RASD2: variants seen among roughly 807,000 people sequenced by gnomAD.
RASD2 encodes the protein RASD family member 2, also known as GTP-binding protein Rhes.
Under a neutral mutation model 15.8 loss-of-function variants are expected in RASD2, and 7 were observed. The ratio of observed to expected loss-of-function variants is 0.44; its 90% confidence interval spans 0.25 to 0.83. RASD2 has a LOEUF of 0.83. Among genes scored for constraint, RASD2 ranks in the 40% least tolerant of loss-of-function variants. The pLI, the probability that RASD2 is intolerant of heterozygous loss-of-function variation, is 0.20. For missense variants in RASD2, 274 were observed against 382.8 expected (o/e 0.72, Z 2.37); for synonymous variants, 155 against 153.6 (o/e 1.01, Z -0.07).
chr22:35,551,881 T>A lies in RASD2; in HGVS notation c.650T>A (p.Phe217Tyr). ...QYGDAFHPRP[F>Y]CMRRVKEMDA... ...GGTGACGCCTTCCACCCCAGGCCCT[T>A]CTGCATGCGCCGCGTCAAGGAGATG... The change falls in exon 3 of 3, where the codon TTC becomes TAC. Residue 217 changes from phenylalanine to tyrosine, a missense_variant. Physicochemically the swap from Phe to Tyr is conservative, Grantham distance 22 (BLOSUM62 3). Coordinates refer to ENST00000216127, the MANE Select transcript of RASD2 (RefSeq NM_014310.4). This position sits in a 1 kb window ranked among gnomAD's most constrained non-coding sequence, Gnocchi z 4.9. 1.2e-6 allele frequency: 2 copies of A among 1,613,528 alleles called. No homozygotes were observed. Among genetic ancestry groups the A allele is most frequent in the Non-Finnish European group, 1.7e-6 (2 of 1,179,990 alleles).
At position 35,552,044 on chromosome 22, in the gene RASD2, T is replaced by C; in HGVS notation, c.*12T>C. ...GCACCATCCAGTGAGCGAGGGATGC[T>C]GGGGCGGGGCTTGGCCAGTGCCTTC... On this transcript the variant is annotated 3_prime_UTR_variant, in exon 3 of 3. Transcript: ENST00000216127. 1 of 1,589,086 alleles carries C rather than the reference T, an allele frequency of 6.3e-7. No individual in the cohort carries two copies. The highest frequency in any genetic ancestry group is 2.2e-5 in the East Asian group (1 of 44,610).
At position 35,545,255 on chromosome 22, in the gene RASD2, C is replaced by A. The variant is rs1934466721; in HGVS notation, c.-9-1546C>A. On this transcript the variant is annotated intron_variant, in intron 1 of 2. Transcript: ENST00000216127. ...ACTCGCACGCAGGCAATCTCTCCAC[C>A]TCCAGTGGCCATCTCAGACCTTAGC... 3.9e-5 allele frequency among the ~76,000 whole-genome samples: 6 copies of A among 152,320 alleles called. No individual in the cohort carries two copies. The South Asian group carries it at 1.2e-3, about 32-fold the overall frequency.
the RASD2 span, among the ~76,000 whole-genome samples, chr22:35,534,970 A>AT: frequency 2.0e-5 from 3 of 152,196 alleles, no homozygotes; most frequent in African/African-American, 4.8e-5. Flanking sequence ...ACTGACCACT[A>AT]TTTATTCATT....
At chr22:35,532,810 G>A in the RASD2 span, among the ~76,000 whole-genome samples, 1 of 152,144 alleles carries the variant, frequency 6.6e-6, no homozygotes, top group Non-Finnish European at 1.5e-5. Context: ...CCGGAGGGTC[G>A]TGCTAATTCC....
the RASD2 span, among the ~76,000 whole-genome samples, chr22:35,533,891 G>T: frequency 8.6e-5 from 13 of 151,994 alleles, no homozygotes; most frequent in Non-Finnish European, 1.8e-4. Context: ...TGATGATGGT[G>T]ATGACGGGGA....
At chr22:35,537,977 G>T (rs1934267784), upstream of RASD2, among the ~76,000 whole-genome samples, 6 of 148,020 alleles carry the variant, frequency 4.1e-5, no homozygotes, top group Admixed American at 3.4e-4. Context: ...ACAGAGTCTT[G>T]CTCCGTCGCC....
chr22:35,548,576 A>G (rs1934574647), intron 2 of RASD2, among the ~76,000 whole-genome samples: 1 of 152,124 alleles, frequency 6.6e-6, no homozygotes, highest in Non-Finnish European at 1.5e-5. Flanking sequence ...AGAGAAACCC[A>G]TGCCACTCCC....
chr22:35,552,132 G>A lies in RASD2; in HGVS notation c.*100G>A, dbSNP rs1934687698. 7.0e-7 allele frequency: 1 copy of A among 1,434,346 alleles called. No homozygotes were observed. The highest frequency in any genetic ancestry group is 2.3e-5 in the East Asian group (1 of 42,730). The allele number at this position is 1,434,346 out of a possible 1,614,324, so 88.9% of individuals were successfully genotyped here. ...CCACCGAGGCCCCGGCAGCAGTCTT[G>A]TTCACAGACCTTAGGCACCAGACTG... On this transcript the variant is annotated 3_prime_UTR_variant, in exon 3 of 3. Coordinates refer to ENST00000216127, the MANE Select transcript of RASD2 (RefSeq NM_014310.4).
At chr22:35,538,691 C>G (rs1934281340), upstream of RASD2, among the ~76,000 whole-genome samples, 1 of 152,230 alleles carries the variant, frequency 6.6e-6, no homozygotes, top group Admixed American at 6.5e-5. Flanking sequence ...ATGACCCATT[C>G]TGTTGAACAA....
chr22:35,538,876 G>GT (rs1934283419), upstream of RASD2, among the ~76,000 whole-genome samples: 1 of 152,246 alleles, frequency 6.6e-6, no homozygotes, highest in Non-Finnish European at 1.5e-5. Context: ...CTCACAGCCT[G>GT]TGTGTGTCAT....
At position 35,552,119 on chromosome 22, in the gene RASD2, C is replaced by G; in HGVS notation, c.*87C>G. 1 of 1,468,938 alleles carries G rather than the reference C, an allele frequency of 6.8e-7. No individual in the cohort carries two copies. Among genetic ancestry groups the G allele is most frequent in the Non-Finnish European group, 9.1e-7 (1 of 1,098,676 alleles). The allele number at this position is 1,468,938 out of a possible 1,614,324, so 91.0% of individuals were successfully genotyped here. ...TGTGCGCATCTCCCCACCGAGGCCC[C>G]GGCAGCAGTCTTGTTCACAGACCTT... On this transcript the variant is annotated 3_prime_UTR_variant, in exon 3 of 3. Coordinates refer to ENST00000216127, the MANE Select transcript of RASD2 (RefSeq NM_014310.4).
chr22:35,549,272 CTT>C (rs1277672173), intron 2 of RASD2, among the ~76,000 whole-genome samples: 1 of 152,148 alleles, frequency 6.6e-6, no homozygotes, highest in Non-Finnish European at 1.5e-5. Flanking sequence ...TTGTCTGTCT[CTT>C]TTTTATGGCG....
intron 1 of RASD2, among the ~76,000 whole-genome samples, chr22:35,544,838 C>T (rs1934453950): frequency 6.6e-6 from 1 of 152,218 alleles, no homozygotes; most frequent in Admixed American, 6.5e-5. Flanking sequence ...ATAACACCAC[C>T]TGCTTTCTGG....
Position 35,552,146 on chromosome 22 carries a change from G to A in RASD2, c.*114G>A. On this transcript the variant is annotated 3_prime_UTR_variant, in exon 3 of 3. Transcript: ENST00000216127. ...GCAGCAGTCTTGTTCACAGACCTTA[G>A]GCACCAGACTGGAGGCCCCCGGGCG... 7.3e-7 allele frequency: 1 copy of A among 1,372,978 alleles called. No individual in the cohort carries two copies. Among genetic ancestry groups the A allele is most frequent in the Non-Finnish European group, 9.7e-7 (1 of 1,029,354 alleles). 85.0% of individuals were successfully genotyped at this position (1,372,978 alleles called of 1,614,324 possible). A position where few individuals can be genotyped will look rare whatever the true frequency, so the allele number is the denominator to read the frequency against.
intron 1 of RASD2, among the ~76,000 whole-genome samples, chr22:35,542,046 C>G (rs978515465): frequency 2.0e-5 from 3 of 152,184 alleles, no homozygotes; most frequent in Non-Finnish European, 4.4e-5. Flanking sequence ...ACTTAGCTGT[C>G]TTGGAGGGCC....
At chr22:35,549,456 G>T (rs1934601635) in intron 2 of RASD2, among the ~76,000 whole-genome samples, 2 of 152,142 alleles carry the variant, frequency 1.3e-5, no homozygotes, top group South Asian at 4.1e-4. Flanking sequence ...TGCCAGACGG[G>T]CCGATCTCTG....
the RASD2 span, among the ~76,000 whole-genome samples, chr22:35,533,842 TGGGGATGATGATCAC>T: frequency 1.3e-5 from 2 of 148,842 alleles, no homozygotes; most frequent in African/African-American, 5.0e-5. Context: ...ATGGTGATGA[TGGGGATGATGATCAC>T]AGTGATGATG....
At chr22:35,540,530 G>T (rs901091481), upstream of RASD2, among the ~76,000 whole-genome samples, 13 of 151,362 alleles carry the variant, frequency 8.6e-5, no homozygotes, top group East Asian at 7.7e-4. Flanking sequence ...CGCGGCTCGC[G>T]GGGGGCCGAA....
chr22:35,533,965 T>C, the RASD2 span, among the ~76,000 whole-genome samples: 1 of 152,100 alleles, frequency 6.6e-6, no homozygotes, highest in Non-Finnish European at 1.5e-5. Flanking sequence ...GTGATGATTA[T>C]GGTGATGAAG....
Sources: allele counts gnomAD v4.1 joint callset (sites outside exome capture counted in the v4.1 genomes callset), GRCh38; gene constraint gnomAD v4.1.1; non-coding constraint Gnocchi (gnomAD v3.1); transcripts MANE v1.5; gene names NCBI Gene and HGNC (gene_info 2026-07-23, HGNC 2026-07-21).